Variants in C6orf141 observed in about 807,000 individuals in gnomAD.
C6orf141 encodes the protein chromosome 6 open reading frame 141, also known as uncharacterized protein C6orf141.
For synonymous variants in C6orf141, 164 were observed against 140.5 expected (o/e 1.17, Z -1.18); for missense variants, 361 against 335.8 (o/e 1.07, Z -0.59).
At position 49,550,895 on chromosome 6, in the gene C6orf141, G is replaced by A; in HGVS notation, c.103G>A (p.Glu35Lys). 6.6e-7 allele frequency: 1 copy of A among 1,525,774 alleles called. No homozygotes were observed. 94.5% of individuals were successfully genotyped at this position (1,525,774 alleles called of 1,614,324 possible). A position where few individuals can be genotyped will look rare whatever the true frequency, so the allele number is the denominator to read the frequency against. The change falls in exon 1 of 1, where the codon GAG (glutamate) becomes AAG (lysine). Residue 35 changes from glutamate to lysine, a missense_variant. Physicochemically the swap from Glu to Lys is moderately conservative, Grantham distance 56. Transcript: ENST00000529246. ...GGGGGACCTCGGGCCTTTTCCGCGG[G>A]AGGTAGGGCGCGGGGCTCCGCTAGC... Reference protein sequence around the residue: ...SLGDLGPFPREVGRGAPLAPG... With the variant: ...SLGDLGPFPRKVGRGAPLAPG...
In C6orf141 at chr6:49,550,903, G is replaced by T. The variant is rs1306402243; in HGVS notation, c.111G>T (p.Gly37=). The change falls in exon 1 of 1, where the codon GGG becomes GGT. Residue 37 remains glycine (G), a synonymous_variant. Transcript: ENST00000529246. ...TCGGGCCTTTTCCGCGGGAGGTAGG[G>T]CGCGGGGCTCCGCTAGCTCCGGGCG... ...GDLGPFPREV[G]RGAPLAPGAR... 1.3e-6 allele frequency: 2 copies of T among 1,531,948 alleles called. No homozygotes were observed. Among genetic ancestry groups the T allele is most frequent in the Non-Finnish European group, 1.8e-6 (2 of 1,140,980 alleles). The allele number at this position is 1,531,948 out of a possible 1,614,324, so 94.9% of individuals were successfully genotyped here.
In C6orf141 at chr6:49,551,940, G is replaced by A; in HGVS notation, c.*413G>A. ...CTCTGCAAAGAGGGTGGGAGTGGGT[G>A]GAGAAGAGGCTTGTTTTAAAAGCCA... On this transcript the variant is annotated 3_prime_UTR_variant, in exon 1 of 1. Transcript: ENST00000529246. 9.8e-7 allele frequency: 1 copy of A among 1,020,742 alleles called. No homozygotes were observed. The highest frequency in any genetic ancestry group is 1.1e-4 in the East Asian group (1 of 9,254). 63.2% of individuals were successfully genotyped at this position (1,020,742 alleles called of 1,614,324 possible). A position where few individuals can be genotyped will look rare whatever the true frequency, so the allele number is the denominator to read the frequency against.
downstream of C6orf141, among the ~76,000 whole-genome samples, chr6:49,554,045 C>A (rs1287399575): frequency 1.3e-5 from 2 of 152,116 alleles, no homozygotes; most frequent in African/African-American, 2.4e-5. Context: ...CTAGCTTTTC[C>A]TAACCTTTAA....
At chr6:49,555,222 A>G (rs1771582637), downstream of C6orf141, 2 of 152,190 alleles carry the variant, frequency 1.3e-5, no homozygotes, top group South Asian at 2.1e-4. Flanking sequence ...GAATCATTAC[A>G]TTTGACTTAC....
Position 49,550,903 on chromosome 6 carries a change from G to A in C6orf141, c.111G>A (p.Gly37=). 1 of 1,531,948 alleles carries A rather than the reference G, an allele frequency of 6.5e-7. No individual in the cohort carries two copies. Among genetic ancestry groups the A allele is most frequent in the Non-Finnish European group, 8.8e-7 (1 of 1,140,980 alleles). 94.9% of individuals were successfully genotyped at this position (1,531,948 alleles called of 1,614,324 possible). The change falls in exon 1 of 1, where the codon GGG becomes GGA. Residue 37 remains glycine (G), a synonymous_variant. Coordinates refer to ENST00000529246, the MANE Select transcript of C6orf141 (RefSeq NM_001145652.2). The stretch of plus-strand genomic sequence containing the variant: ...TCGGGCCTTTTCCGCGGGAGGTAGG[G>A]CGCGGGGCTCCGCTAGCTCCGGGCG... ...GDLGPFPREV[G]RGAPLAPGAR...
chr6:49,559,520 G>A (rs543218285), intron 4 of C6orf141, among the ~76,000 whole-genome samples: 5 of 151,880 alleles, frequency 3.3e-5, no homozygotes, highest in Non-Finnish European at 7.4e-5. Context: ...TAGGCATGGG[G>A]TATTATCTAG....
chr6:49,551,105 C>A lies in C6orf141; in HGVS notation c.313C>A (p.Pro105Thr), dbSNP rs376050066. The A allele has an allele frequency of 5.0e-5, 77 of 1,551,632 alleles. No homozygotes were observed. The East Asian group carries it at 1.6e-3, about 32-fold the overall frequency. ...GAGGTGGTTAGGGACTCGAGGGGAC[C>A]CTGCACGGGAAGAGGTGGCCGGTGC... ...PERWLGTRGD[P>T]AREEVAGAED... Residue 105 changes from proline (P) to threonine (T), a missense_variant, in exon 1 of 1, where the codon CCT becomes ACT. Physicochemically the swap from Pro to Thr is conservative, Grantham distance 38 (BLOSUM62 -1). Transcript: ENST00000529246.
chr6:49,553,647 C>T (rs138007831), downstream of C6orf141, among the ~76,000 whole-genome samples: 776 of 152,254 alleles, frequency 5.1e-3, 3 homozygotes, highest in Non-Finnish European at 7.7e-3. Context: ...CAATTTCTGG[C>T]GTTCAGCTGC....
intron 4 of C6orf141, among the ~76,000 whole-genome samples, chr6:49,559,527 C>T (rs1220225691): frequency 6.6e-6 from 1 of 151,970 alleles, no homozygotes; most frequent in Admixed American, 6.6e-5. Flanking sequence ...GGGGTATTAT[C>T]TAGTGGTCAC....
At chr6:49,558,716 G>T (rs756552132) in intron 4 of C6orf141, among the ~76,000 whole-genome samples, 2 of 151,106 alleles carry the variant, frequency 1.3e-5, no homozygotes, top group Admixed American at 6.6e-5. Flanking sequence ...ATTTTTTTTG[G>T]GGGGGGTGCG....
At chr6:49,558,458 TC>T (rs1325570187) in intron 4 of C6orf141, among the ~76,000 whole-genome samples, 1 of 150,374 alleles carries the variant, frequency 6.7e-6, no homozygotes, top group African/African-American at 2.4e-5. Context: ...ACTGACCAAG[TC>T]CTGACCTTTT....
chr6:49,550,698 G>A lies in C6orf141; in HGVS notation c.-95G>A. 8.9e-7 allele frequency: 1 copy of A among 1,125,178 alleles called. No homozygotes were observed. Among genetic ancestry groups the A allele is most frequent in the East Asian group, 2.9e-5 (1 of 34,924 alleles). The allele number at this position is 1,125,178 out of a possible 1,614,324, so 69.7% of individuals were successfully genotyped here. A position where few individuals can be genotyped will look rare whatever the true frequency, so the allele number is the denominator to read the frequency against. ...TCAGCTTTCACCGGCTGGGAGTCCGGAGCTGCAGCAGAGGCCACACCCAGG... is the reference window on the plus strand; with the variant it reads ...TCAGCTTTCACCGGCTGGGAGTCCGAAGCTGCAGCAGAGGCCACACCCAGG... On this transcript the variant is annotated 5_prime_UTR_variant, in exon 1 of 1. Transcript: ENST00000529246.
downstream of C6orf141, chr6:49,552,571 G>A (rs1770876425): frequency 6.6e-6 from 1 of 152,246 alleles, no homozygotes; most frequent in Admixed American, 6.5e-5. Flanking sequence ...AACAAAGCAG[G>A]TAGGACTCTG....
chr6:49,555,851 C>T (rs1007256166), downstream of C6orf141, among the ~76,000 whole-genome samples: 2 of 152,202 alleles, frequency 1.3e-5, no homozygotes, highest in African/African-American at 4.8e-5. Flanking sequence ...AGCAATCCTC[C>T]TGCCTTGGCC....
At chr6:49,558,073 T>G (rs1398267006) in intron 4 of C6orf141, among the ~76,000 whole-genome samples, 20 of 139,476 alleles carry the variant, frequency 1.4e-4, no homozygotes, top group East Asian at 6.5e-4. Context: ...TTTTTTTTTT[T>G]TTTTTTTTTT....
downstream of C6orf141, chr6:49,554,977 T>A (rs956175359): frequency 6.6e-6 from 1 of 152,186 alleles, no homozygotes; most frequent in African/African-American, 2.4e-5. Context: ...AACTTGGGCA[T>A]CCTCAATACT....
downstream of C6orf141, among the ~76,000 whole-genome samples, chr6:49,553,960 C>A (rs1192442403): frequency 6.6e-6 from 1 of 152,168 alleles, no homozygotes; most frequent in Non-Finnish European, 1.5e-5. Flanking sequence ...TTGTATAACA[C>A]AAGAAAGCTA....
At chr6:49,561,694 T>TAA (rs368300758) in intron 4 of C6orf141, 1 of 151,878 alleles carries the variant, frequency 6.6e-6, no homozygotes, top group Non-Finnish European at 1.5e-5. Context: ...ATTCTTTTCT[T>TAA]AAAAAATAGA....
At chr6:49,555,513 C>CTTTTTTTTT (rs55766532), downstream of C6orf141, among the ~76,000 whole-genome samples, 1 of 132,610 alleles carries the variant, frequency 7.5e-6, no homozygotes, top group African/African-American at 2.8e-5. Flanking sequence ...CCAGGCTAGT[C>CTTTTTTTTT]TTTTTTTTTT....
Sources: gnomAD v4.1 joint callset for allele counts (sites outside exome capture counted in the v4.1 genomes callset) on GRCh38, gnomAD v4.1.1 for gene constraint, MANE v1.5 for transcripts, NCBI Gene and HGNC (gene_info 2026-07-23, HGNC 2026-07-21) for gene names.